Variants in RGPD4 observed in about 807,000 individuals in gnomAD.
The protein encoded by RGPD4 is ranBP2-like and GRIP domain-containing protein 4.
RGPD4 carries 84 observed loss-of-function variants against 141.1 expected under a neutral mutation model. The observed-to-expected ratio is 0.60, with a 90% CI of 0.50 to 0.71. RGPD4 has a LOEUF of 0.71. RGPD4 is among the 30% of genes least tolerant of loss of function. The probability of loss-of-function intolerance (pLI) is 0.00; values close to 1 mark genes in which losing one functional copy is unlikely to be tolerated. For synonymous variants in RGPD4, 298 were observed against 566.8 expected (o/e 0.53, Z 6.74); for missense variants, 918 against 1,622.4 (o/e 0.57, Z 7.46).
rs1682899052 is a variant in RGPD4 at position 107,871,179 on chromosome 2, G to T, written c.3175G>T (p.Val1059Phe). Reference sequence around the variant, plus strand: ...TGTAATAGGAGAAGAAGGTGAAAAAGTTCTGTATTCACAGGGGGTAAAACT... The same window carrying T: ...TGTAATAGGAGAAGAAGGTGAAAAATTTCTGTATTCACAGGGGGTAAAACT... ...ELVIGEEGEK[V>F]LYSQGVKLFR... The change falls in exon 20 of 23, where the codon GTT becomes TTT. Residue 1059 changes from valine to phenylalanine, a missense_variant. Transcript: ENST00000408999. The T allele has an allele frequency of 1.9e-6, 3 of 1,610,290 alleles. No individual in the cohort carries two copies. Among genetic ancestry groups the T allele is most frequent in the Non-Finnish European group, 1.7e-6 (2 of 1,179,740 alleles).
intron 1 of RGPD4, among the ~76,000 whole-genome samples, chr2:107,834,289 G>T (rs2104404539): frequency 6.7e-6 from 1 of 149,314 alleles, no homozygotes; most frequent in East Asian, 2.0e-4. Flanking sequence ...TTTTCTGATT[G>T]TTCGTTGCTG....
chr2:107,881,262 T>G (rs1174701639), intron 21 of RGPD4, among the ~76,000 whole-genome samples: 1 of 150,500 alleles, frequency 6.6e-6, no homozygotes, highest in African/African-American at 2.5e-5. Context: ...AAAAACATTA[T>G]CATAGCTAAC....
At chr2:107,832,098 G>A (rs1681514485) in intron 1 of RGPD4, among the ~76,000 whole-genome samples, 1 of 151,066 alleles carries the variant, frequency 6.6e-6, no homozygotes, top group Non-Finnish European at 1.5e-5. Context: ...CTTGTATGTT[G>A]TGTTACTACT....
chr2:107,884,883 T>C (rs1675467201), intron 22 of RGPD4, among the ~76,000 whole-genome samples: 1 of 152,076 alleles, frequency 6.6e-6, no homozygotes, highest in Non-Finnish European at 1.5e-5. Flanking sequence ...CTGGGGCCCA[T>C]ACCTTGAAAA....
intron 1 of RGPD4, 80 bp downstream of exon 1, chr2:107,827,165 A>C (rs1443913285): frequency 7.9e-6 from 4 of 503,660 alleles, no homozygotes; most frequent in South Asian, 5.0e-5. Flanking sequence ...GGCGGCCTCG[A>C]TGGCTCAGGC....
intron 9 of RGPD4, among the ~76,000 whole-genome samples, chr2:107,857,774 C>G (rs888844216): frequency 6.6e-6 from 1 of 151,254 alleles, no homozygotes; most frequent in African/African-American, 2.4e-5. Flanking sequence ...GGCAGATCAC[C>G]TGAGATCAGG....
At position 107,826,894 on chromosome 2, in the gene RGPD4, A is replaced by G; in HGVS notation, c.-120A>G. 6.5e-7 allele frequency: 1 copy of G among 1,540,604 alleles called. No homozygotes were observed. The highest frequency in any genetic ancestry group is 8.8e-7 in the Non-Finnish European group (1 of 1,142,292). On this transcript the variant is annotated 5_prime_UTR_variant, in exon 1 of 23. Coordinates refer to ENST00000408999, the MANE Select transcript of RGPD4 (RefSeq NM_182588.3). ...TTGACGCAGGACACAAGTTCGTCAC[A>G]GTGGTCCTCCGCCGGCTACGCGGAG...
chr2:107,835,522 C>T (rs1681638827), intron 1 of RGPD4, among the ~76,000 whole-genome samples: 1 of 150,786 alleles, frequency 6.6e-6, no homozygotes, highest in East Asian at 2.0e-4. Context: ...GAGAACAGTA[C>T]ATGTACTATT....
chr2:107,845,682 G>C (rs1330432944), intron 6 of RGPD4, among the ~76,000 whole-genome samples: 1 of 152,284 alleles, frequency 6.6e-6, no homozygotes, highest in Non-Finnish European at 1.5e-5. Context: ...TTCTGCCTCA[G>C]CCTCCTGAGT....
intron 8 of RGPD4, among the ~76,000 whole-genome samples, chr2:107,855,775 T>A (rs575376344): frequency 2.8e-3 from 277 of 98,658 alleles, no homozygotes; most frequent in Non-Finnish European, 3.2e-3. Flanking sequence ...CCATGAGGAA[T>A]TCCTTACCTA....
chr2:107,878,640 G>A (rs3872513), intron 20 of RGPD4, among the ~76,000 whole-genome samples: 11,148 of 126,092 alleles, frequency 0.088, 599 homozygotes, highest in African/African-American at 0.15. Context: ...GAGGGACAGA[G>A]CTAATTGGAT....
intron 11 of RGPD4, 21 bp from the exon 12 acceptor site, chr2:107,859,701 G>T (rs778517412): frequency 6.2e-7 from 1 of 1,611,210 alleles, no homozygotes; most frequent in African/African-American, 1.3e-5. Flanking sequence ...AGCAATTTTA[G>T]TAAATTGAAC....
chr2:107,863,552 G>C (rs1682629745), intron 17 of RGPD4, among the ~76,000 whole-genome samples: 1 of 150,916 alleles, frequency 6.6e-6, no homozygotes. Context: ...GAGTGCAGTG[G>C]TGCAATCTTG....
At chr2:107,853,781 T>A (rs28753720) in intron 7 of RGPD4, among the ~76,000 whole-genome samples, 8 of 73,482 alleles carry the variant, frequency 1.1e-4, no homozygotes, top group East Asian at 3.0e-4. Flanking sequence ...AGGGTCTCAC[T>A]CTGTCGCCCA....
Position 107,880,055 on chromosome 2 carries a change from G to A in RGPD4, c.5012G>A (p.Gly1671Asp), listed in dbSNP as rs1675309727. The A allele has an allele frequency of 6.2e-7, 1 of 1,611,212 alleles. No homozygotes were observed. The highest frequency in any genetic ancestry group is 1.7e-5 in the Admixed American group (1 of 59,960). Residue 1671 changes from glycine (G) to aspartate (D), a missense_variant, in exon 21 of 23, where the codon GGC becomes GAC. Transcript: ENST00000408999. ...STTKSADHLN[G>D]LLREAEATSA... ...ACAAAAAGTGCAGATCACTTAAACG[G>A]CCTGCTTCGGGAAGCAGAGGCAACC...
rs778595413 is a variant in RGPD4, at chr2:107,871,080, G to A, written c.3076G>A (p.Asp1026Asn). Residue 1026 changes from aspartate (D) to asparagine (N), a missense_variant, in exon 20 of 23, where the codon GAT becomes AAT. Physicochemically the swap from Asp to Asn is conservative, Grantham distance 23. Transcript: ENST00000408999. The stretch of plus-strand genomic sequence containing the variant: ...TTCCGGTGACTTTGAGAAAGATGAT[G>A]ATGCCTATAAGACTGAGGACAGCGA... ...NTSGDFEKDD[D>N]AYKTEDSDDI... The A allele has an allele frequency of 9.9e-6, 16 of 1,611,066 alleles. No homozygotes were observed. The highest frequency in any genetic ancestry group is 2.5e-6 in the Non-Finnish European group (3 of 1,179,818).
In RGPD4 at chr2:107,891,083, C is replaced by T. The variant is rs550778823; in HGVS notation, c.*352C>T. On this transcript the variant is annotated 3_prime_UTR_variant, in exon 23 of 23. Coordinates refer to ENST00000408999, the MANE Select transcript of RGPD4 (RefSeq NM_182588.3). ...CCCACTTCTCTGGAACCTCAGGACC[C>T]GCCCATTTCTCGGCAGTACTGTGAA... is the stretch of plus-strand genomic sequence containing the variant. Among the ~76,000 whole-genome samples the T allele has an allele frequency of 1.6e-4, 24 of 146,588 alleles. No homozygotes were observed. The highest frequency in any genetic ancestry group is 3.9e-4 in the East Asian group (2 of 5,094).
rs1357365939 is a variant in RGPD4, at chr2:107,859,535, C to G, written c.1615C>G (p.Leu539Val). 5.6e-6 allele frequency: 9 copies of G among 1,611,380 alleles called. No individual in the cohort carries two copies. Among genetic ancestry groups the G allele is most frequent in the Non-Finnish European group, 7.6e-6 (9 of 1,179,808 alleles). ...ATCTTGGTGGGATGCGGTTTGTACT[C>G]TGATTCACAGAAAAGCAGTGTAAGT... ...QKSWWDAVCT[L>V]IHRKAVPGNS... Residue 539 changes from leucine to valine, a missense_variant, in exon 11 of 23, where the codon CTG becomes GTG. Physicochemically the swap from Leu to Val is conservative, Grantham distance 32. Transcript: ENST00000408999.
intron 6 of RGPD4, among the ~76,000 whole-genome samples, chr2:107,846,283 G>A (rs1001395181): frequency 6.6e-6 from 1 of 151,184 alleles, no homozygotes; most frequent in Non-Finnish European, 1.5e-5. Flanking sequence ...GTACTGGAAG[G>A]TCTCAATCTC....
Sources: allele counts gnomAD v4.1 joint callset (sites outside exome capture counted in the v4.1 genomes callset), GRCh38; gene constraint gnomAD v4.1.1; transcripts MANE v1.5; gene names NCBI Gene and HGNC (gene_info 2026-07-23, HGNC 2026-07-21).